The following GALNT13 variants were observed in gnomAD, a reference collection of about 807,000 sequenced individuals.
GALNT13 encodes the protein polypeptide N-acetylgalactosaminyltransferase 13.
Under a neutral mutation model 64.2 loss-of-function variants are expected in GALNT13, and 28 were observed. The observed-to-expected ratio is 0.44, with a 90% CI of 0.32 to 0.60. GALNT13 has a LOEUF of 0.60. Ranked by LOEUF, GALNT13 falls within the 20% of genes least tolerant of loss-of-function variation. The pLI is 0.05. For synonymous variants in GALNT13, 214 were observed against 224.6 expected (o/e 0.95, Z 0.42); for missense variants, 577 against 669.8 (o/e 0.86, Z 1.53).
At chr2:153,767,324 T>C in the GALNT13 span, among the ~76,000 whole-genome samples, 1 of 152,172 alleles carries the variant, frequency 6.6e-6, no homozygotes. Context: ...GGTGTATAGA[T>C]ACAATATTTT....
the GALNT13 span, among the ~76,000 whole-genome samples, chr2:153,799,076 C>A: frequency 6.6e-6 from 1 of 152,156 alleles, no homozygotes; most frequent in East Asian, 1.9e-4. Context: ...GGCTGCCTCA[C>A]TGGGTGACTT....
the GALNT13 span, among the ~76,000 whole-genome samples, chr2:153,249,845 C>T: frequency 6.6e-6 from 1 of 152,148 alleles, no homozygotes; most frequent in Non-Finnish European, 1.5e-5. Flanking sequence ...AGAAACTGAA[C>T]TCCCTCCTTA....
At chr2:154,109,634 G>A (rs922542885) in intron 3 of GALNT13, among the ~76,000 whole-genome samples, 1 of 152,098 alleles carries the variant, frequency 6.6e-6, no homozygotes, top group African/African-American at 2.4e-5. Flanking sequence ...CTTCACTGTT[G>A]TGTTGAAATG....
At chr2:154,294,250 G>A (rs534525115) in intron 8 of GALNT13, among the ~76,000 whole-genome samples, 59 of 152,298 alleles carry the variant, frequency 3.9e-4, no homozygotes, top group Non-Finnish European at 7.8e-4. Flanking sequence ...CTTTATCTGT[G>A]AGAATCAAAG....
the GALNT13 span, among the ~76,000 whole-genome samples, chr2:153,657,304 A>G: frequency 1.3e-5 from 2 of 152,100 alleles, no homozygotes; most frequent in Non-Finnish European, 2.9e-5. Flanking sequence ...AGAATATGAT[A>G]TGTATGCATT....
chr2:153,343,840 C>A, the GALNT13 span, among the ~76,000 whole-genome samples: 1 of 152,074 alleles, frequency 6.6e-6, no homozygotes, highest in East Asian at 1.9e-4. Flanking sequence ...ATGTCTCATT[C>A]CTCTTTGTAT....
chr2:153,168,430 A>G, the GALNT13 span, among the ~76,000 whole-genome samples: 1 of 152,162 alleles, frequency 6.6e-6, no homozygotes, highest in African/African-American at 2.4e-5. Flanking sequence ...AATTGACAAA[A>G]AAGTTATATA....
chr2:153,812,096 A>G, the GALNT13 span, among the ~76,000 whole-genome samples: 1 of 152,182 alleles, frequency 6.6e-6, no homozygotes, highest in African/African-American at 2.4e-5. Context: ...CTCCTCCAGA[A>G]GGTAACTTGT....
chr2:153,670,346 G>T, the GALNT13 span, among the ~76,000 whole-genome samples: 1 of 152,204 alleles, frequency 6.6e-6, no homozygotes, highest in African/African-American at 2.4e-5. Context: ...AGATTCCAGA[G>T]GAAGGGTCAG....
At chr2:153,985,871 G>A (rs1376029300) in intron 3 of GALNT13, among the ~76,000 whole-genome samples, 1 of 152,010 alleles carries the variant, frequency 6.6e-6, no homozygotes, top group Non-Finnish European at 1.5e-5. Flanking sequence ...TTGCAATGTT[G>A]CATTTTTATT....
At chr2:153,589,903 C>A in the GALNT13 span, among the ~76,000 whole-genome samples, 2 of 152,078 alleles carry the variant, frequency 1.3e-5, no homozygotes, top group East Asian at 3.9e-4. Flanking sequence ...ATATCAAAGG[C>A]CTTCATCAAA....
chr2:154,019,211 T>C (rs988959045), intron 3 of GALNT13, among the ~76,000 whole-genome samples: 1 of 152,212 alleles, frequency 6.6e-6, no homozygotes, highest in Non-Finnish European at 1.5e-5. Context: ...TTAACCAAGA[T>C]ATAAATTAAA....
At chr2:153,527,355 G>C in the GALNT13 span, among the ~76,000 whole-genome samples, 2 of 152,168 alleles carry the variant, frequency 1.3e-5, no homozygotes, top group Non-Finnish European at 2.9e-5. Context: ...CATTGAAGTG[G>C]AAACCTTACA....
At chr2:153,093,398 C>T in the GALNT13 span, among the ~76,000 whole-genome samples, 3 of 151,894 alleles carry the variant, frequency 2.0e-5, no homozygotes, top group African/African-American at 7.3e-5. Flanking sequence ...GCCACCATGC[C>T]TGGCTACTTT....
chr2:153,240,884 G>A, the GALNT13 span, among the ~76,000 whole-genome samples: 1 of 151,986 alleles, frequency 6.6e-6, no homozygotes, highest in African/African-American at 2.4e-5. Context: ...CCCATGGTGG[G>A]GTGTCTGTCT....
chr2:154,051,617 A>G (rs978941335), intron 3 of GALNT13, among the ~76,000 whole-genome samples: 5 of 152,128 alleles, frequency 3.3e-5, no homozygotes, highest in Non-Finnish European at 7.4e-5. Context: ...AGTTTAAGCT[A>G]TTTAACAATT....
chr2:153,116,892 T>C, the GALNT13 span, among the ~76,000 whole-genome samples: 2 of 142,240 alleles, frequency 1.4e-5, no homozygotes, highest in Admixed American at 7.8e-5. Flanking sequence ...CTCTGCCTCC[T>C]GGGTTCACAC....
the GALNT13 span, among the ~76,000 whole-genome samples, chr2:153,270,448 T>G: frequency 1.3e-5 from 2 of 152,158 alleles, no homozygotes; most frequent in Non-Finnish European, 2.9e-5. Flanking sequence ...GTGATAGAGG[T>G]CAGATTAAAC....
At chr2:153,323,858 TG>T in the GALNT13 span, among the ~76,000 whole-genome samples, 1 of 152,342 alleles carries the variant, frequency 6.6e-6, no homozygotes, top group East Asian at 1.9e-4. Context: ...ATATCTATTT[TG>T]GTAACAGTAC....
Sources: allele counts gnomAD v4.1 joint callset (sites outside exome capture counted in the v4.1 genomes callset), GRCh38; gene constraint gnomAD v4.1.1; transcripts MANE v1.5; gene names NCBI Gene and HGNC (gene_info 2026-07-23, HGNC 2026-07-21).